Variants in CAMK1D observed in about 807,000 individuals in gnomAD.
CAMK1D encodes the protein calcium/calmodulin-dependent protein kinase type 1D.
CAMK1D carries 9 observed loss-of-function variants against 47.7 expected under a neutral mutation model. That is an observed-to-expected ratio of 0.19 (90% CI 0.11 to 0.33). The LOEUF is 0.33. CAMK1D is among the 10% of genes least tolerant of loss of function. CAMK1D has a pLI of 1.00. For missense variants in CAMK1D, 291 were observed against 488.7 expected (o/e 0.60, Z 3.81); for synonymous variants, 184 against 184.9 (o/e 0.99, Z 0.04).
chr10:12,739,775 C>G (rs1835348967), intron 3 of CAMK1D, among the ~76,000 whole-genome samples: 2 of 151,896 alleles, frequency 1.3e-5, no homozygotes, highest in African/African-American at 4.8e-5. Context: ...TTCAAAAGAC[C>G]CCTAATTGTA....
At chr10:12,546,804 C>T (rs1391287928) in intron 1 of CAMK1D, among the ~76,000 whole-genome samples, 4 of 101,598 alleles carry the variant, frequency 3.9e-5, no homozygotes, top group African/African-American at 1.7e-4. Flanking sequence ...ACACCGGGGA[C>T]TGTTGTGGGG....
intron 1 of CAMK1D, among the ~76,000 whole-genome samples, chr10:12,506,355 G>A (rs1455102656): frequency 6.6e-6 from 1 of 152,092 alleles, no homozygotes; most frequent in Non-Finnish European, 1.5e-5. Flanking sequence ...GGGAGACGGA[G>A]GTTGCAGTGA....
At chr10:12,671,648 C>T (rs1179606937) in intron 3 of CAMK1D, among the ~76,000 whole-genome samples, 1 of 151,628 alleles carries the variant, frequency 6.6e-6, no homozygotes, top group African/African-American at 2.4e-5. Flanking sequence ...CGTATACACA[C>T]ACACATATAT....
intron 1 of CAMK1D, among the ~76,000 whole-genome samples, chr10:12,501,747 G>A (rs1361788954): frequency 6.6e-6 from 1 of 152,030 alleles, no homozygotes; most frequent in Non-Finnish European, 1.5e-5. Context: ...CGAGGATGCT[G>A]TTAAACATCC....
rs60730729 is a variant in CAMK1D, at chr10:12,622,856, A to G, written c.225-43880A>G. On this transcript the variant is annotated intron_variant, in intron 2 of 10. Transcript: ENST00000619168. ...TAGAGGGGAGGATGTAGGAGTGAGT[A>G]GCGTGTTTGAAAGAACAGGAGAGAA... Among the ~76,000 whole-genome samples the G allele has an allele frequency of 6.1e-3, 932 of 152,124 alleles. 5 individuals are homozygous for G. The highest frequency in any genetic ancestry group is 0.041 in the East Asian group (212 of 5,136).
intron 1 of CAMK1D, among the ~76,000 whole-genome samples, chr10:12,486,502 C>A (rs1026592822): frequency 7.4e-5 from 11 of 149,074 alleles, no homozygotes; most frequent in African/African-American, 2.7e-4. Flanking sequence ...AATCATGCAC[C>A]ATGTACCCAC....
chr10:12,383,348 C>T (rs1000032501), intron 1 of CAMK1D, among the ~76,000 whole-genome samples: 4 of 151,780 alleles, frequency 2.6e-5, no homozygotes, highest in African/African-American at 7.3e-5. Context: ...CAGGGAATGT[C>T]GAAGCAGGAA....
chr10:12,718,247 G>A (rs1310329267), intron 3 of CAMK1D, among the ~76,000 whole-genome samples: 1 of 152,084 alleles, frequency 6.6e-6, no homozygotes, highest in Non-Finnish European at 1.5e-5. Flanking sequence ...CTTGAAATAG[G>A]GTTCGAAAGA....
chr10:12,433,900 G>T (rs936161392), intron 1 of CAMK1D, among the ~76,000 whole-genome samples: 16 of 152,210 alleles, frequency 1.1e-4, no homozygotes, highest in African/African-American at 3.6e-4. Context: ...AGGTCCCCCA[G>T]TGCATCCTTC....
chr10:12,718,034 A>G lies in CAMK1D; in HGVS notation c.300-42914A>G, dbSNP rs921779895. On this transcript the variant is annotated intron_variant, in intron 3 of 10. Coordinates refer to ENST00000619168, the MANE Select transcript of CAMK1D (RefSeq NM_153498.4). ...GCATATTTCATACTAAATTATTTTTATTCACAATGCTTAGGAGTTGAAATT... is the reference window on the plus strand; with the variant it reads ...GCATATTTCATACTAAATTATTTTTGTTCACAATGCTTAGGAGTTGAAATT... Among the ~76,000 whole-genome samples, 3 of 152,046 alleles carry G rather than the reference A, an allele frequency of 2.0e-5. No individual in the cohort carries two copies. The East Asian group carries it at 5.8e-4, about 29-fold the overall frequency.
intron 1 of CAMK1D, among the ~76,000 whole-genome samples, chr10:12,405,414 A>G (rs549916295): frequency 2.0e-5 from 3 of 152,318 alleles, no homozygotes; most frequent in Admixed American, 6.5e-5. Context: ...ACAGTGATAC[A>G]GCTGTAATAT....
chr10:12,825,974 CTAAAA>C, intron 10 of CAMK1D: 1 of 417,222 alleles, frequency 2.4e-6, no homozygotes, highest in Non-Finnish European at 4.3e-6. Flanking sequence ...CCCATCTCTA[CTAAAA>C]TATAAAAATT....
intron 2 of CAMK1D, among the ~76,000 whole-genome samples, chr10:12,616,506 TTTTTTG>T (rs1380147393): frequency 3.5e-4 from 22 of 63,314 alleles, no homozygotes; most frequent in Non-Finnish European, 1.3e-3. Flanking sequence ...TGTTTGTTTG[TTTTTTG>T]TTGTTGTTGT....
At chr10:12,519,157 G>T (rs1459500195) in intron 1 of CAMK1D, among the ~76,000 whole-genome samples, 1 of 85,282 alleles carries the variant, frequency 1.2e-5, no homozygotes, top group Non-Finnish European at 2.5e-5. Flanking sequence ...CGGCTGGCCA[G>T]ACAGAGGGGT....
rs890318331 is a variant in CAMK1D, at chr10:12,833,936, A to AG, written c.*5049_*5050insG. 3 of 151,850 alleles carry AG rather than the reference A, an allele frequency of 2.0e-5. No homozygotes were observed. The highest frequency in any genetic ancestry group is 7.3e-5 in the African/African-American group (3 of 41,302). 9.4% of individuals were successfully genotyped at this position (151,850 alleles called of 1,614,324 possible). A position where few individuals can be genotyped will look rare whatever the true frequency, so the allele number is the denominator to read the frequency against. On this transcript the variant is annotated 3_prime_UTR_variant, in exon 11 of 11. Coordinates refer to ENST00000619168, the MANE Select transcript of CAMK1D (RefSeq NM_153498.4). ...TTTGTTAAAAAAAAAAAAAAAAAAAAAAGATGTATATACCTGTATGTGATC... is the reference window on the plus strand; with the variant it reads ...TTTGTTAAAAAAAAAAAAAAAAAAAAGAAGATGTATATACCTGTATGTGATC...
chr10:12,383,647 G>A (rs1182893992), intron 1 of CAMK1D, among the ~76,000 whole-genome samples: 1 of 152,166 alleles, frequency 6.6e-6, no homozygotes, highest in African/African-American at 2.4e-5. Flanking sequence ...AGGAAGTTGT[G>A]TATTGGGAAA....
At chr10:12,705,807 C>A (rs2130736195) in intron 3 of CAMK1D, among the ~76,000 whole-genome samples, 1 of 152,334 alleles carries the variant, frequency 6.6e-6, no homozygotes, top group South Asian at 2.1e-4. Flanking sequence ...AGCAATATCT[C>A]ACGTCGCTGG....
At chr10:12,549,082 C>G (rs571123173) in intron 1 of CAMK1D, among the ~76,000 whole-genome samples, 1 of 152,032 alleles carries the variant, frequency 6.6e-6, no homozygotes, top group South Asian at 2.1e-4. Context: ...TCTCAAAATC[C>G]TGACCTCAAG....
At position 12,833,962 on chromosome 10, in the gene CAMK1D, C is replaced by T. The variant is rs964138126; in HGVS notation, c.*5075C>T. On this transcript the variant is annotated 3_prime_UTR_variant, in exon 11 of 11. Transcript: ENST00000619168. ...AAGATGTATATACCTGTATGTGATC[C>T]ACCACCCTTTTGAGGGGCACCTGGT... The T allele has an allele frequency of 6.7e-6, 1 of 150,360 alleles. No individual in the cohort carries two copies. Among genetic ancestry groups the T allele is most frequent in the African/African-American group, 2.4e-5 (1 of 40,818 alleles). The allele number at this position is 150,360 out of a possible 1,614,324, so 9.3% of individuals were successfully genotyped here.
Sources: gnomAD v4.1 joint callset for allele counts (sites outside exome capture counted in the v4.1 genomes callset) on GRCh38, gnomAD v4.1.1 for gene constraint, MANE v1.5 for transcripts, NCBI Gene and HGNC (gene_info 2026-07-23, HGNC 2026-07-21) for gene names.